The following PDE1C variants were observed in gnomAD, a reference collection of about 807,000 sequenced individuals.
PDE1C encodes the protein dual specificity calcium/calmodulin-dependent 3',5'-cyclic nucleotide phosphodiesterase 1C.
Under a neutral mutation model 93.1 loss-of-function variants are expected in PDE1C, and 62 were observed. The ratio of observed to expected loss-of-function variants is 0.67; its 90% CI spans 0.54 to 0.82. The LOEUF is 0.82. PDE1C is among the 40% of genes least tolerant of loss of function. PDE1C has a pLI of 0.00. For missense variants in PDE1C, 742 were observed against 884.6 expected (o/e 0.84, Z 2.04); for synonymous variants, 325 against 310.1 (o/e 1.05, Z -0.50).
chr7:32,302,978 C>A (rs149233087), upstream of PDE1C, among the ~76,000 whole-genome samples: 506 of 152,292 alleles, frequency 3.3e-3, 2 homozygotes, highest in Non-Finnish European at 5.2e-3. Context: ...GGGCCTCTTC[C>A]CATTCATATA....
rs571792892 is a variant in PDE1C, at chr7:32,380,042, C to A, written c.310+47780G>T. Among the ~76,000 whole-genome samples, 108 of 152,274 alleles carry A rather than the reference C, an allele frequency of 7.1e-4. 2 individuals are homozygous for A. The South Asian group carries it at 0.022, about 30-fold the overall frequency. On this transcript the variant is annotated intron_variant, in intron 1 of 1. Coordinates refer to the PDE1C transcript ENST00000672256. Reference sequence around the variant, plus strand: ...GTCTCCTGTATTATCAGTTTTCCCCCTATCTATTGGATCATTCCCATCAGC... The same window carrying A: ...GTCTCCTGTATTATCAGTTTTCCCCATATCTATTGGATCATTCCCATCAGC...
intron 1 of PDE1C, among the ~76,000 whole-genome samples, chr7:32,423,009 C>T (rs1785462572): frequency 6.6e-6 from 1 of 152,174 alleles, no homozygotes; most frequent in East Asian, 1.9e-4. Flanking sequence ...GATTTCTACT[C>T]GTAGAACAGC....
At chr7:31,785,272 G>A (rs1039004871) in intron 16 of PDE1C, 2 of 152,152 alleles carry the variant, frequency 1.3e-5, no homozygotes, top group African/African-American at 2.4e-5. Flanking sequence ...CCTCAGGGGA[G>A]ACTGAATGAG....
In PDE1C at chr7:32,220,384, G is replaced by A. The variant is rs146366817; in HGVS notation, c.86-10845C>T. ...AGTAGTATTCCCTTTTTCAGATGAGGAAGGTGAAATTTAGGAAAAGTTAAG... is the reference window on the plus strand; with the variant it reads ...AGTAGTATTCCCTTTTTCAGATGAGAAAGGTGAAATTTAGGAAAAGTTAAG... On this transcript the variant is annotated intron_variant, in intron 1 of 18. Coordinates refer to the PDE1C transcript ENST00000396193. Among the ~76,000 whole-genome samples the A allele has an allele frequency of 1.8e-3, 279 of 152,236 alleles. 1 individual carries two copies. Among genetic ancestry groups the A allele is most frequent in the Non-Finnish European group, 3.0e-3 (204 of 67,994 alleles).
intron 1 of PDE1C, among the ~76,000 whole-genome samples, chr7:32,305,723 G>T (rs188704188): frequency 7.1e-4 from 108 of 152,296 alleles, no homozygotes; most frequent in Non-Finnish European, 1.3e-3. Context: ...CATTCCTTGG[G>T]CCCAACTCAC....
At chr7:32,198,225 T>C (rs1804752002) in intron 2 of PDE1C, among the ~76,000 whole-genome samples, 1 of 152,182 alleles carries the variant, frequency 6.6e-6, no homozygotes, top group African/African-American at 2.4e-5. Flanking sequence ...GATATTTCTC[T>C]CAATTTAAAA....
chr7:31,820,083 T>G (rs1240960289), intron 14 of PDE1C, among the ~76,000 whole-genome samples: 2 of 152,050 alleles, frequency 1.3e-5, no homozygotes, highest in African/African-American at 4.8e-5. Flanking sequence ...GAGAAAAATA[T>G]GTAAACGAAT....
At chr7:31,854,702 T>C (rs1453546543) in intron 7 of PDE1C, among the ~76,000 whole-genome samples, 3 of 152,186 alleles carry the variant, frequency 2.0e-5, no homozygotes, top group Non-Finnish European at 2.9e-5. Flanking sequence ...TCTATGTGAA[T>C]GATAGAGTTT....
intron 2 of PDE1C, among the ~76,000 whole-genome samples, chr7:32,006,719 C>T (rs934278292): frequency 1.3e-5 from 2 of 152,158 alleles, no homozygotes; most frequent in Non-Finnish European, 1.5e-5. Flanking sequence ...ATGGAAGAAA[C>T]GTGGTTGATG....
intron 2 of PDE1C, among the ~76,000 whole-genome samples, chr7:31,881,885 T>C (rs1797296219): frequency 6.6e-6 from 1 of 152,222 alleles, no homozygotes; most frequent in Admixed American, 6.5e-5. Context: ...TTCAATGACT[T>C]TGATCACCAC....
At chr7:32,362,487 C>T (rs904643380) in intron 1 of PDE1C, among the ~76,000 whole-genome samples, 5 of 152,086 alleles carry the variant, frequency 3.3e-5, no homozygotes, top group African/African-American at 9.7e-5. Flanking sequence ...TTTTTTCCCT[C>T]ACTTTGATCT....
chr7:31,635,168 A>G, the PDE1C span, among the ~76,000 whole-genome samples: 1 of 152,212 alleles, frequency 6.6e-6, no homozygotes, highest in East Asian at 1.9e-4. Flanking sequence ...ATTCTGAGCT[A>G]GGTGATTTCT....
chr7:31,966,987 A>C (rs372459804), intron 2 of PDE1C, among the ~76,000 whole-genome samples: 1,630 of 152,228 alleles, frequency 0.011, 27 homozygotes, highest in African/African-American at 0.037. Flanking sequence ...TATAGCACTA[A>C]ATGCCCACAA....
chr7:32,225,552 G>A (rs987499938), intron 1 of PDE1C, among the ~76,000 whole-genome samples: 1 of 152,082 alleles, frequency 6.6e-6, no homozygotes, highest in Non-Finnish European at 1.5e-5. Flanking sequence ...GTGTTAGGTG[G>A]GAGATTGGAA....
chr7:31,946,033 T>A (rs1256368833), intron 2 of PDE1C, among the ~76,000 whole-genome samples: 1 of 152,202 alleles, frequency 6.6e-6, no homozygotes, highest in East Asian at 1.9e-4. Context: ...TCTTTCTCAT[T>A]TCCATCTCTC....
At chr7:32,214,217 GTA>G (rs34068716) in intron 1 of PDE1C, among the ~76,000 whole-genome samples, 3 of 150,702 alleles carry the variant, frequency 2.0e-5, no homozygotes, top group South Asian at 2.1e-4. Context: ...TAAAAAACAT[GTA>G]TATATATATA....
intron 2 of PDE1C, among the ~76,000 whole-genome samples, chr7:32,020,396 GA>G (rs889697467): frequency 2.3e-4 from 34 of 151,104 alleles, no homozygotes; most frequent in Admixed American, 8.6e-4. Context: ...TTTTTGGTGA[GA>G]AAAAAAAATT....
chr7:31,879,590 C>A lies in PDE1C; in HGVS notation c.243-412G>T, dbSNP rs183693770. 1.6e-4 allele frequency among the ~76,000 whole-genome samples: 25 copies of A among 152,250 alleles called. No individual in the cohort carries two copies. In the East Asian group the frequency reaches 4.8e-3, roughly 29 times the overall value. ...TTAAGAGACTTTGCAAAGTATTTACCAAATCACAGCAACCCAGTCCTCTGA... is the reference window on the plus strand; with the variant it reads ...TTAAGAGACTTTGCAAAGTATTTACAAAATCACAGCAACCCAGTCCTCTGA... On this transcript the variant is annotated intron_variant, in intron 3 of 17. Coordinates refer to ENST00000396191, the MANE Select transcript of PDE1C (RefSeq NM_001191057.4).
At chr7:31,959,920 C>T (rs1207740532) in intron 2 of PDE1C, among the ~76,000 whole-genome samples, 3 of 151,760 alleles carry the variant, frequency 2.0e-5, no homozygotes, top group Non-Finnish European at 4.4e-5. Context: ...GGCTGGAGTG[C>T]AATGGCATGA....
Sources: allele counts gnomAD v4.1 joint callset (sites outside exome capture counted in the v4.1 genomes callset), GRCh38; gene constraint gnomAD v4.1.1; transcripts MANE v1.5; gene names NCBI Gene and HGNC (gene_info 2026-07-23, HGNC 2026-07-21).